CHRNB2: variants seen among roughly 807,000 people sequenced by gnomAD.
CHRNB2 encodes cholinergic receptor nicotinic beta 2 subunit.
Under a neutral mutation model 42.7 loss-of-function variants are expected in CHRNB2, and 33 were observed. The ratio of observed to expected loss-of-function variants is 0.77; its 90% CI spans 0.59 to 1.03. The LOEUF (loss-of-function observed/expected upper bound fraction) is 1.03. Ranked by LOEUF, CHRNB2 falls within the 50% of genes least tolerant of loss-of-function variation. The pLI is 0.00. For missense variants in CHRNB2, 603 were observed against 700.9 expected (o/e 0.86, Z 1.58); for synonymous variants, 325 against 292.9 (o/e 1.11, Z -1.12).
At chr1:154,570,193 G>A (rs1366929614) in intron 3 of CHRNB2, 65 bp from the exon 4 acceptor site, 13 of 1,123,096 alleles carry the variant, frequency 1.2e-5, no homozygotes, top group Admixed American at 3.9e-5. Flanking sequence ...CCTCTAGTTC[G>A]TTTCCTTAAC....
chr1:154,570,255 C>T lies in CHRNB2; in HGVS notation c.256-3C>T, dbSNP rs1484523783. 9 of 1,601,940 alleles carry T rather than the reference C, an allele frequency of 5.6e-6. No homozygotes were observed. In the East Asian group the frequency reaches 1.6e-4, roughly 28 times the overall value. On this transcript the variant is annotated splice_region_variant and splice_polypyrimidine_tract_variant and intron_variant, in intron 3 of 5. Coordinates refer to ENST00000368476, the MANE Select transcript of CHRNB2 (RefSeq NM_000748.3). ...GGTACTGCCTCCCTCTCTCATTTCC[C>T]AGGAGTGGGAAGATTATCGCCTCAC...
At chr1:154,569,262 T>A (rs1696117009) in intron 1 of CHRNB2, among the ~76,000 whole-genome samples, 200 bp from the exon 2 acceptor site, 1 of 150,958 alleles carries the variant, frequency 6.6e-6, no homozygotes, top group Admixed American at 6.6e-5. Context: ...GACTCTTTGG[T>A]CAGTGGTCTC....
chr1:154,568,226 G>C, intron 1 of CHRNB2, 118 bp downstream of exon 1: 1 of 1,255,662 alleles, frequency 8.0e-7, no homozygotes, highest in South Asian at 1.3e-5. Context: ...CCCTAGAGGT[G>C]GGGGAGTCTG....
chr1:154,572,061 C>G lies in CHRNB2; in HGVS notation c.1238C>G (p.Pro413Arg). 4 of 1,534,814 alleles carry G rather than the reference C, an allele frequency of 2.6e-6. No individual in the cohort carries two copies. The highest frequency in any genetic ancestry group is 2.6e-6 in the Non-Finnish European group (3 of 1,145,836). Residue 413 changes from proline (P) to arginine (R), a missense_variant, in exon 5 of 6, where the codon CCC (proline) becomes CGC (arginine). Around this residue, in one of 2 missense-constraint regions of CHRNB2, gnomAD observed 270 missense variants for 248.3 expected, o/e 1.09. Transcript: ENST00000368476. ...GCTGAGCCTGCACCAGTGGCGGGCC[C>G]CGGGCGCTCAGGGGAGCCGTGTGGC... ...FGAEPAPVAG[P>R]GRSGEPCGCG...
In CHRNB2 at chr1:154,579,484, T is replaced by G. The variant is rs533923590; in HGVS notation, c.*3552T>G. On this transcript the variant is annotated 3_prime_UTR_variant, in exon 6 of 6. Coordinates refer to ENST00000368476, the MANE Select transcript of CHRNB2 (RefSeq NM_000748.3). ...AGGAAAGTAAGGGGCATTCAAAGCC[T>G]TCTCTGAATCACTCCCCAAGCCAGA... The G allele has an allele frequency of 6.6e-6, 1 of 152,378 alleles. No individual in the cohort carries two copies. The highest frequency in any genetic ancestry group is 6.5e-5 in the Admixed American group (1 of 15,302). 9.4% of individuals were successfully genotyped at this position (152,378 alleles called of 1,614,324 possible). A position where few individuals can be genotyped will look rare whatever the true frequency, so the allele number is the denominator to read the frequency against.
Position 154,569,781 on chromosome 1 carries a change from C to A in CHRNB2, c.211-11C>A, listed in dbSNP as rs773761741. ...AGGGGCCTTCTCGGCAGCCTCTCTT[C>A]CTCCCTGCAGCATGAGCGGGAGCAG... On this transcript the variant is annotated splice_polypyrimidine_tract_variant and intron_variant, in intron 2 of 5. Coordinates refer to ENST00000368476, the MANE Select transcript of CHRNB2 (RefSeq NM_000748.3). The A allele has an allele frequency of 3.7e-6, 6 of 1,614,064 alleles. No homozygotes were observed.
Position 154,572,080 on chromosome 1 carries a change from G to A in CHRNB2, c.1257G>A (p.Pro419=), listed in dbSNP as rs199743038. The change falls in exon 5 of 6, where the codon CCG becomes CCA. Residue 419 remains proline, a synonymous_variant. Coordinates refer to ENST00000368476, the MANE Select transcript of CHRNB2 (RefSeq NM_000748.3). Reference sequence around the variant, plus strand: ...CGGGCCCCGGGCGCTCAGGGGAGCCGTGTGGCTGTGGCCTCCGGGAGGCGG... The same window carrying A: ...CGGGCCCCGGGCGCTCAGGGGAGCCATGTGGCTGTGGCCTCCGGGAGGCGG... ...PVAGPGRSGE[P]CGCGLREAVD... 12 of 1,535,764 alleles carry A rather than the reference G, an allele frequency of 7.8e-6. No homozygotes were observed. The East Asian group carries it at 9.8e-5, about 13-fold the overall frequency.
At position 154,571,129 on chromosome 1, in the gene CHRNB2, T is replaced by A. The variant is rs1696156874; in HGVS notation, c.366-60T>A. ...TGCTCTCCTCCCATTAGGGGCTGGGTTGATGGGTAAGGAGGAAGGAACGCT... is the reference window on the plus strand; with the variant it reads ...TGCTCTCCTCCCATTAGGGGCTGGGATGATGGGTAAGGAGGAAGGAACGCT... On this transcript the variant is annotated intron_variant, in intron 4 of 5. Coordinates refer to ENST00000368476, the MANE Select transcript of CHRNB2 (RefSeq NM_000748.3). This position sits in a 1 kb window ranked among gnomAD's most constrained non-coding sequence, Gnocchi z 6.8. 6 of 1,612,752 alleles carry A rather than the reference T, an allele frequency of 3.7e-6. No individual in the cohort carries two copies. The highest frequency in any genetic ancestry group is 5.1e-6 in the Non-Finnish European group (6 of 1,179,954).
At position 154,575,803 on chromosome 1, in the gene CHRNB2, C is replaced by T. The variant is rs373985042; in HGVS notation, c.1380C>T (p.Arg460=). The T allele has an allele frequency of 1.9e-5, 30 of 1,614,074 alleles. No homozygotes were observed. Among genetic ancestry groups the T allele is most frequent in the Non-Finnish European group, 2.4e-5 (28 of 1,180,050 alleles). ...DWKYVAMVID[R]LFLWIFVFVC... ...AGTACGTCGCCATGGTGATCGACCG[C>T]CTCTTCCTCTGGATCTTTGTCTTTG... is the stretch of plus-strand genomic sequence containing the variant. The change falls in exon 6 of 6, where the codon CGC becomes CGT. Residue 460 remains arginine, a synonymous_variant. Coordinates refer to ENST00000368476, the MANE Select transcript of CHRNB2 (RefSeq NM_000748.3).
Position 154,567,792 on chromosome 1 carries a change from C to T in CHRNB2, c.-253C>T, listed in dbSNP as rs1331904183. 1 of 424,500 alleles carries T rather than the reference C, an allele frequency of 2.4e-6. No individual in the cohort carries two copies. 26.3% of individuals were successfully genotyped at this position (424,500 alleles called of 1,614,324 possible). A position where few individuals can be genotyped will look rare whatever the true frequency, so the allele number is the denominator to read the frequency against. ...CTCCGGGGCGCAGACTCCTCCCCCT[C>T]ACCGTCCCAATTGTATTCCCTGGAA... is the stretch of plus-strand genomic sequence containing the variant. On this transcript the variant is annotated 5_prime_UTR_variant, in exon 1 of 6. Coordinates refer to ENST00000368476, the MANE Select transcript of CHRNB2 (RefSeq NM_000748.3).
Position 154,569,623 on chromosome 1 carries a change from A to T in CHRNB2, c.210+16A>T. The T allele has an allele frequency of 6.2e-7, 1 of 1,614,080 alleles. No homozygotes were observed. The highest frequency in any genetic ancestry group is 8.5e-7 in the Non-Finnish European group (1 of 1,180,008). On this transcript the variant is annotated intron_variant, in intron 2 of 5. Coordinates refer to ENST00000368476, the MANE Select transcript of CHRNB2 (RefSeq NM_000748.3). ...CATCAGTGTGGTGAGTAGAGGTCCC[A>T]GGCTCTCTGCCCAGCTACTGAAATC... is the stretch of plus-strand genomic sequence containing the variant.
At chr1:154,569,430 GCTTA>G in intron 1 of CHRNB2, 28 bp from the exon 2 acceptor site, 3 of 1,612,336 alleles carry the variant, frequency 1.9e-6, no homozygotes, top group Non-Finnish European at 2.5e-6. Flanking sequence ...CTCCTTGCCT[GCTTA>G]CTTTCGTCCT....
rs1246774770 is a variant in CHRNB2 at position 154,577,445 on chromosome 1, CAT to C, written c.*1514_*1515del. The C allele has an allele frequency of 6.6e-6, 1 of 152,160 alleles. No homozygotes were observed. Among genetic ancestry groups the C allele is most frequent in the Non-Finnish European group, 1.5e-5 (1 of 68,070 alleles). 9.4% of individuals were successfully genotyped at this position (152,160 alleles called of 1,614,324 possible). A position where few individuals can be genotyped will look rare whatever the true frequency, so the allele number is the denominator to read the frequency against. ...TCAAGTCCTGGCCCTGCTAGTAACTCATGTGAGCCAGCTTGAGCAAGTCCCTT... is the reference window on the plus strand; with the variant it reads ...TCAAGTCCTGGCCCTGCTAGTAACTCGTGAGCCAGCTTGAGCAAGTCCCTT... On this transcript the variant is annotated 3_prime_UTR_variant, in exon 6 of 6. Transcript: ENST00000368476.
In CHRNB2 at chr1:154,576,152, C is replaced by A. The variant is rs200917319; in HGVS notation, c.*220C>A. The stretch of plus-strand genomic sequence containing the variant: ...CTGCTTTGTTTTGGCTGCTCTCCAT[C>A]TCTTGTACCAGCCCAGGCAATAGTG... On this transcript the variant is annotated 3_prime_UTR_variant, in exon 6 of 6. Transcript: ENST00000368476. 11 of 609,142 alleles carry A rather than the reference C, an allele frequency of 1.8e-5. No homozygotes were observed. Among genetic ancestry groups the A allele is most frequent in the Non-Finnish European group, 3.3e-5 (11 of 338,086 alleles). The allele number at this position is 609,142 out of a possible 1,614,324, so 37.7% of individuals were successfully genotyped here. A position where few individuals can be genotyped will look rare whatever the true frequency, so the allele number is the denominator to read the frequency against.
chr1:154,574,368 G>A (rs1265019439), intron 5 of CHRNB2, among the ~76,000 whole-genome samples: 1 of 152,118 alleles, frequency 6.6e-6, no homozygotes, highest in Non-Finnish European at 1.5e-5. Flanking sequence ...GATGTCCTTT[G>A]TAGCATCACC....
chr1:154,573,791 C>T lies in CHRNB2; in HGVS notation c.1338+1630C>T, dbSNP rs1204472503. ...TGATATGTGTTTCGCTTTTATTGCC[C>T]AGGCTGGAGTGCAGTGGTGCGACCT... On this transcript the variant is annotated intron_variant, in intron 5 of 5. Coordinates refer to ENST00000368476, the MANE Select transcript of CHRNB2 (RefSeq NM_000748.3). Among the ~76,000 whole-genome samples, 3 of 152,152 alleles carry T rather than the reference C, an allele frequency of 2.0e-5. No individual in the cohort carries two copies. In the East Asian group the frequency reaches 5.8e-4, roughly 29 times the overall value.
In CHRNB2 at chr1:154,571,994, G is replaced by C. The variant is rs770055798; in HGVS notation, c.1171G>C (p.Val391Leu). 44 of 1,536,228 alleles carry C rather than the reference G, an allele frequency of 2.9e-5. No homozygotes were observed. The South Asian group carries it at 3.7e-4, about 13-fold the overall frequency. The change falls in exon 5 of 6, where the codon GTC (valine) becomes CTC (leucine). Residue 391 changes from valine (V) to leucine (L), a missense_variant. Val to Leu is a conservative substitution (Grantham distance 32, BLOSUM62 1). Coordinates refer to ENST00000368476, the MANE Select transcript of CHRNB2 (RefSeq NM_000748.3). This position sits in a 1 kb window ranked among gnomAD's most constrained non-coding sequence, Gnocchi z 6.8. ...APGADSCTCF[V>L]NRASVQGLAG... ...AGGGGCCGACTCCTGCACGTGCTTCGTCAACCGCGCGTCGGTGCAGGGGTT... is the reference window on the plus strand; with the variant it reads ...AGGGGCCGACTCCTGCACGTGCTTCCTCAACCGCGCGTCGGTGCAGGGGTT...
chr1:154,573,899 C>T (rs1696221627), intron 5 of CHRNB2, among the ~76,000 whole-genome samples: 1 of 152,198 alleles, frequency 6.6e-6, no homozygotes, highest in Non-Finnish European at 1.5e-5. Flanking sequence ...TAGGTTCCCG[C>T]CACCACGCCC....
rs78080997 is a variant in CHRNB2 at position 154,576,940 on chromosome 1, G to C, written c.*1008G>C. ...TTTTTTCCCCACTTTGAACTGACTG[G>C]TTACTCTAAGGAAGTGAACTGAGGA... On this transcript the variant is annotated 3_prime_UTR_variant, in exon 6 of 6. Coordinates refer to ENST00000368476, the MANE Select transcript of CHRNB2 (RefSeq NM_000748.3). 2.0e-5 allele frequency: 3 copies of C among 152,296 alleles called. No individual in the cohort carries two copies. In the East Asian group the frequency reaches 5.8e-4, roughly 29 times the overall value. 9.4% of individuals were successfully genotyped at this position (152,296 alleles called of 1,614,324 possible). A position where few individuals can be genotyped will look rare whatever the true frequency, so the allele number is the denominator to read the frequency against.
Sources: allele counts gnomAD v4.1 joint callset (sites outside exome capture counted in the v4.1 genomes callset), GRCh38; gene constraint gnomAD v4.1.1; regional missense constraint gnomAD v4.1.1; non-coding constraint Gnocchi (gnomAD v3.1); transcripts MANE v1.5; gene names NCBI Gene and HGNC (gene_info 2026-07-23, HGNC 2026-07-21).